Variants in YIPF7 observed in about 807,000 individuals in gnomAD.
YIPF7 encodes the protein protein YIPF7.
In YIPF7, 35 loss-of-function variants were observed where a neutral mutation model predicts 27.2. The observed-to-expected ratio is 1.29, with a 90% CI of 0.98 to 1.70. The LOEUF (loss-of-function observed/expected upper bound fraction) is 1.70, where lower values mean the gene tolerates loss of function less well. Ranked by LOEUF, YIPF7 falls within the 40% of genes most tolerant of loss-of-function variation. YIPF7 has a pLI of 0.00. For missense variants in YIPF7, 358 were observed against 303.7 expected, an observed-to-expected ratio of 1.18 and a Z score of -1.33; for synonymous variants, 137 against 110.4, an observed-to-expected ratio of 1.24 and a Z score of -1.51.
chr4:44,640,383 C>T (rs573473755), intron 2 of YIPF7, among the ~76,000 whole-genome samples: 13 of 152,238 alleles, frequency 8.5e-5, no homozygotes, highest in African/African-American at 2.4e-4. Flanking sequence ...TGGTTGAGGG[C>T]CAAAGCCAGA....
chr4:44,630,076 C>T (rs765193865), intron 3 of YIPF7, among the ~76,000 whole-genome samples: 15 of 152,170 alleles, frequency 9.9e-5, no homozygotes, highest in Non-Finnish European at 1.9e-4. Context: ...TCAAGCAATC[C>T]TCCTGGCTCA....
At chr4:44,654,547 A>G (rs1713832420), upstream of YIPF7, among the ~76,000 whole-genome samples, 1 of 151,576 alleles carries the variant, frequency 6.6e-6, no homozygotes, top group Non-Finnish European at 1.5e-5. Context: ...TTTATATATC[A>G]TCTATATATA....
At chr4:44,649,528 T>C (rs1423081109) in intron 2 of YIPF7, among the ~76,000 whole-genome samples, 2 of 151,940 alleles carry the variant, frequency 1.3e-5, no homozygotes, top group African/African-American at 4.8e-5. Context: ...CCAAACACTT[T>C]GGGAGGCCCA....
chr4:44,645,445 G>A (rs1043414584), intron 2 of YIPF7, among the ~76,000 whole-genome samples: 3 of 152,104 alleles, frequency 2.0e-5, no homozygotes, highest in East Asian at 3.9e-4. Flanking sequence ...AGTCCTTGAC[G>A]ATTAACCTAG....
At chr4:44,658,732 A>C (rs1713969183) in intron 2 of YIPF7, among the ~76,000 whole-genome samples, 1 of 152,200 alleles carries the variant, frequency 6.6e-6, no homozygotes, top group South Asian at 2.1e-4. Flanking sequence ...ATCATGGTGG[A>C]AGGTGAGAGG....
intron 2 of YIPF7, among the ~76,000 whole-genome samples, chr4:44,657,636 A>C (rs1713935615): frequency 6.6e-6 from 1 of 152,176 alleles, no homozygotes; most frequent in African/African-American, 2.4e-5. Flanking sequence ...AAATGATTTT[A>C]GACCATTGCA....
At chr4:44,633,515 CA>C (rs1455237079) in intron 3 of YIPF7, among the ~76,000 whole-genome samples, 1 of 151,628 alleles carries the variant, frequency 6.6e-6, no homozygotes, top group Non-Finnish European at 1.5e-5. Flanking sequence ...CAATATAAAA[CA>C]AAAAACATAA....
chr4:44,629,613 A>G, intron 3 of YIPF7, 65 bp from the exon 4 acceptor site: 1 of 1,243,198 alleles, frequency 8.0e-7, no homozygotes, highest in Non-Finnish European at 1.1e-6. Context: ...AATAAGTTAC[A>G]CTCTTTAAAG....
At chr4:44,643,935 C>A (rs1235538475) in intron 2 of YIPF7, among the ~76,000 whole-genome samples, 1 of 152,114 alleles carries the variant, frequency 6.6e-6, no homozygotes, top group African/African-American at 2.4e-5. Context: ...TCATGGAACA[C>A]CTCTACTAGG....
Position 44,624,658 on chromosome 4 carries a change from C to A in YIPF7, c.551G>T (p.Gly184Val). The change falls in exon 5 of 6, where the codon GGT (glycine) becomes GTT (valine). Residue 184 changes from glycine (G) to valine (V), a missense_variant. Transcript: ENST00000415895. ...GATGACCATGGGGAGCAGGCAGTAA[C>A]CCAGCACGCTGGCCACACAGCCGTA... ...VSYGCVASVL[G>V]YCLLPMVILS... is the part of the protein sequence containing the mutation. 6.2e-7 allele frequency: 1 copy of A among 1,604,268 alleles called. No individual in the cohort carries two copies. The highest frequency in any genetic ancestry group is 8.5e-7 in the Non-Finnish European group (1 of 1,175,746).
chr4:44,660,460 A>T (rs1315836489), exon 2 of YIPF7: 1 of 152,172 alleles, frequency 6.6e-6, no homozygotes, highest in Non-Finnish European at 1.5e-5. Flanking sequence ...TGAGATTGTG[A>T]TGCTGAAGAG....
intron 2 of YIPF7, among the ~76,000 whole-genome samples, chr4:44,642,672 C>T (rs972667290): frequency 2.6e-5 from 4 of 151,972 alleles, no homozygotes; most frequent in African/African-American, 9.7e-5. Flanking sequence ...AATGGTTTAC[C>T]ACCATCCCCC....
chr4:44,650,774 C>A (rs1288568723), intron 1 of YIPF7, among the ~76,000 whole-genome samples: 1 of 152,160 alleles, frequency 6.6e-6, no homozygotes, highest in Non-Finnish European at 1.5e-5. Context: ...ATAGTTTCCA[C>A]TCACTTCTAG....
intron 5 of YIPF7, among the ~76,000 whole-genome samples, chr4:44,622,797 T>G (rs960681521): frequency 3.9e-5 from 6 of 152,148 alleles, no homozygotes; most frequent in Non-Finnish European, 5.9e-5. Context: ...TAAACCTGAA[T>G]TAGAAAAAAA....
At position 44,622,378 on chromosome 4, in the gene YIPF7, G is replaced by T. The variant is rs374504611; in HGVS notation, c.*36C>A. Reference sequence around the variant, plus strand: ...ATATATTTCCAAAATAATCTGGACAGCAAACAGAGTCTTGAAATGCCATCT... The same window carrying T: ...ATATATTTCCAAAATAATCTGGACATCAAACAGAGTCTTGAAATGCCATCT... On this transcript the variant is annotated 3_prime_UTR_variant, in exon 6 of 6. Coordinates refer to ENST00000415895, the MANE Select transcript of YIPF7 (RefSeq NM_182592.3). 51 of 1,589,700 alleles carry T rather than the reference G, an allele frequency of 3.2e-5. No individual in the cohort carries two copies. Among genetic ancestry groups the T allele is most frequent in the Non-Finnish European group, 1.5e-5 (17 of 1,168,750 alleles).
At chr4:44,656,092 T>C (rs1577746887), upstream of YIPF7, among the ~76,000 whole-genome samples, 1 of 152,080 alleles carries the variant, frequency 6.6e-6, no homozygotes, top group African/African-American at 2.4e-5. Context: ...GCTGAATTCT[T>C]ATTAAGTTTT....
At chr4:44,638,332 G>T (rs1049671356) in intron 2 of YIPF7, among the ~76,000 whole-genome samples, 1 of 151,454 alleles carries the variant, frequency 6.6e-6, no homozygotes, top group South Asian at 2.1e-4. Context: ...ACTCAGGCCC[G>T]CCAGTCATGA....
upstream of YIPF7, among the ~76,000 whole-genome samples, chr4:44,655,803 C>T (rs184698277): frequency 2.0e-5 from 3 of 152,044 alleles, no homozygotes; most frequent in Admixed American, 2.0e-4. Flanking sequence ...CTTTTAAAGA[C>T]CGTGCTGCTT....
At position 44,638,657 on chromosome 4, in the gene YIPF7, C is replaced by T. The variant is rs573715908; in HGVS notation, c.117-2572G>A. ...TCCCATTCTACTGGCTGTCTCTTTA[C>T]TCTGTTGATTATTTCTTTTGCTGTG... On this transcript the variant is annotated intron_variant, in intron 2 of 5. Transcript: ENST00000415895. Among the ~76,000 whole-genome samples the T allele has an allele frequency of 1.6e-3, 249 of 152,246 alleles. 1 individual carries two copies. The highest frequency in any genetic ancestry group is 1.4e-3 in the Non-Finnish European group (93 of 68,002).
Sources: gnomAD v4.1 joint callset for allele counts (sites outside exome capture counted in the v4.1 genomes callset) on GRCh38, gnomAD v4.1.1 for gene constraint, MANE v1.5 for transcripts, NCBI Gene and HGNC (gene_info 2026-07-23, HGNC 2026-07-21) for gene names.